Variants in CNTNAP2 observed in about 807,000 individuals in gnomAD.
CNTNAP2 encodes contactin associated protein 2, also known as contactin-associated protein-like 2.
A neutral mutation model predicts 155.2 loss-of-function variants in CNTNAP2; 98 were observed. The ratio of observed to expected loss-of-function variants is 0.63; its 90% CI spans 0.54 to 0.75. The LOEUF (loss-of-function observed/expected upper bound fraction) is 0.75, where lower values mean the gene tolerates loss of function less well. Among genes scored for constraint, CNTNAP2 ranks in the 30% least tolerant of loss-of-function variants. CNTNAP2 has a pLI of 0.00. For missense variants in CNTNAP2, 1,727 were observed against 1,688.1 expected (o/e 1.02, Z -0.40); for synonymous variants, 651 against 631.2 (o/e 1.03, Z -0.47).
intron 1 of CNTNAP2, among the ~76,000 whole-genome samples, chr7:146,443,230 T>TAATAAATAAATAAATAAATA (rs540097334): frequency 7.4e-5 from 11 of 147,772 alleles, no homozygotes; most frequent in African/African-American, 2.3e-4. Context: ...AATAAATAAA[T>TAATAAATAAATAAATAAATA]AATAAATAAA....
chr7:146,668,497 T>C (rs1424350496), intron 1 of CNTNAP2, among the ~76,000 whole-genome samples: 1 of 151,514 alleles, frequency 6.6e-6, no homozygotes, highest in East Asian at 1.9e-4. Context: ...TGTTATTAGA[T>C]TTAGACTGGG....
chr7:146,279,170 G>T (rs1224509255), intron 1 of CNTNAP2, among the ~76,000 whole-genome samples: 1 of 152,038 alleles, frequency 6.6e-6, no homozygotes, highest in Non-Finnish European at 1.5e-5. Flanking sequence ...TTTGAAAGTT[G>T]TCATAAACCA....
intron 1 of CNTNAP2, among the ~76,000 whole-genome samples, chr7:146,529,127 AT>A (rs1797731996): frequency 6.6e-6 from 1 of 152,136 alleles, no homozygotes; most frequent in Admixed American, 6.5e-5. Context: ...TTAGAAGTAT[AT>A]TTTTTGTTTG....
chr7:147,067,019 G>A (rs780234773), intron 4 of CNTNAP2, among the ~76,000 whole-genome samples: 21 of 152,108 alleles, frequency 1.4e-4, no homozygotes, highest in African/African-American at 1.9e-4. Flanking sequence ...TAGGCTGGGC[G>A]CATTGGCTGA....
At chr7:147,485,290 G>A (rs1036433416) in intron 10 of CNTNAP2, among the ~76,000 whole-genome samples, 2 of 152,090 alleles carry the variant, frequency 1.3e-5, no homozygotes, top group Non-Finnish European at 2.9e-5. Flanking sequence ...GTTCAGAAAG[G>A]TTCAGTTAAG....
intron 18 of CNTNAP2, among the ~76,000 whole-genome samples, chr7:148,197,060 T>C (rs1795290106): frequency 1.3e-5 from 2 of 152,324 alleles, no homozygotes; most frequent in South Asian, 4.1e-4. Context: ...CAGTTATACA[T>C]TTTGTAAATA....
intron 21 of CNTNAP2, among the ~76,000 whole-genome samples, chr7:148,357,124 CAT>C (rs1028064940): frequency 3.3e-5 from 5 of 152,144 alleles, no homozygotes; most frequent in Admixed American, 6.5e-5. Context: ...ATAATTCCCA[CAT>C]GTCATGGGAG....
chr7:147,695,786 A>G (rs1401666073), intron 13 of CNTNAP2, among the ~76,000 whole-genome samples: 1 of 152,204 alleles, frequency 6.6e-6, no homozygotes, highest in Non-Finnish European at 1.5e-5. Context: ...TGGGCCACAG[A>G]GTGAGACTCC....
intron 14 of CNTNAP2, among the ~76,000 whole-genome samples, chr7:147,959,391 G>T (rs1226456989): frequency 3.3e-5 from 5 of 152,074 alleles, no homozygotes; most frequent in Admixed American, 6.5e-5. Context: ...TTTGATGCAA[G>T]GCAAGCGAGC....
At chr7:146,814,301 C>T (rs1357414783) in intron 2 of CNTNAP2, among the ~76,000 whole-genome samples, 3 of 152,044 alleles carry the variant, frequency 2.0e-5, no homozygotes, top group East Asian at 1.9e-4. Context: ...ATGACTAGAC[C>T]TTTCCAATCA....
At chr7:147,809,733 C>T (rs79403429) in intron 13 of CNTNAP2, among the ~76,000 whole-genome samples, 2,348 of 152,238 alleles carry the variant, frequency 0.015, 73 homozygotes, top group African/African-American at 0.053. Context: ...GTGTGTTATG[C>T]TACAATTTGT....
At chr7:147,252,082 A>G (rs1353524) in intron 8 of CNTNAP2, among the ~76,000 whole-genome samples, 31,046 of 152,128 alleles carry the variant, frequency 0.2, 3,431 homozygotes, top group Non-Finnish European at 0.24. Context: ...ATAAGCCCAC[A>G]TTATGTTTTA....
intron 12 of CNTNAP2, among the ~76,000 whole-genome samples, chr7:147,607,438 T>C (rs960006631): frequency 6.6e-5 from 10 of 152,142 alleles, no homozygotes; most frequent in African/African-American, 1.9e-4. Context: ...CTCTTCTTTC[T>C]AATGTAAATA....
At chr7:147,147,327 G>C (rs1441255195) in intron 8 of CNTNAP2, among the ~76,000 whole-genome samples, 3 of 152,062 alleles carry the variant, frequency 2.0e-5, no homozygotes, top group Admixed American at 2.0e-4. Context: ...ATGAGATTTG[G>C]GTGGAGATAC....
At chr7:147,553,166 GC>G (rs913414241) in intron 11 of CNTNAP2, among the ~76,000 whole-genome samples, 25 of 152,306 alleles carry the variant, frequency 1.6e-4, no homozygotes, top group African/African-American at 4.3e-4. Context: ...TGGTGAAGAA[GC>G]AGGAGTTCCC....
chr7:147,564,331 G>A (rs573898358), intron 12 of CNTNAP2, among the ~76,000 whole-genome samples: 614 of 152,168 alleles, frequency 4.0e-3, no homozygotes, highest in Non-Finnish European at 7.2e-3. Flanking sequence ...ACACTTACCA[G>A]AGAGATTAAT....
At chr7:148,069,192 A>G (rs1563188362) in intron 15 of CNTNAP2, among the ~76,000 whole-genome samples, 1 of 148,004 alleles carries the variant, frequency 6.8e-6, no homozygotes, top group Admixed American at 6.7e-5. Context: ...AAATCCTGCT[A>G]CTCCTTCTCG....
chr7:146,411,648 G>T (rs371407179), intron 1 of CNTNAP2, among the ~76,000 whole-genome samples: 1 of 151,724 alleles, frequency 6.6e-6, no homozygotes, highest in African/African-American at 2.4e-5. Flanking sequence ...TATTAAAACG[G>T]TTATAATAGT....
intron 7 of CNTNAP2, among the ~76,000 whole-genome samples, chr7:147,131,426 TG>T (rs893614983): frequency 6.6e-6 from 1 of 152,010 alleles, no homozygotes; most frequent in African/African-American, 2.4e-5. Context: ...AGTTAGGCAC[TG>T]AAATATACAA....
Sources: gnomAD v4.1 joint callset for allele counts (sites outside exome capture counted in the v4.1 genomes callset) on GRCh38, gnomAD v4.1.1 for gene constraint, MANE v1.5 for transcripts, NCBI Gene and HGNC (gene_info 2026-07-23, HGNC 2026-07-21) for gene names.